PLB1: variants seen among roughly 807,000 people sequenced by gnomAD.
The protein encoded by PLB1 is phospholipase B1.
In PLB1, 242 loss-of-function variants were observed where a neutral mutation model predicts 227.4. That is an observed-to-expected ratio of 1.06 (90% confidence interval 0.96 to 1.18). The LOEUF (loss-of-function observed/expected upper bound fraction) is 1.18, where lower values mean the gene tolerates loss of function less well. PLB1 is among the 50% of genes most tolerant of loss of function. The pLI, the probability that PLB1 is intolerant of heterozygous loss-of-function variation, is 0.00. For missense variants in PLB1, 1,858 were observed against 1,816.3 expected, an observed-to-expected ratio of 1.02 and a Z score of -0.42; for synonymous variants, 757 against 682.2, an observed-to-expected ratio of 1.11 and a Z score of -1.71.
intron 25 of PLB1, among the ~76,000 whole-genome samples, chr2:28,584,785 C>G (rs1680629922): frequency 6.6e-6 from 1 of 152,162 alleles, no homozygotes; most frequent in Non-Finnish European, 1.5e-5. Flanking sequence ...GACCAAAAGC[C>G]CAGATGTGCC....
At chr2:28,535,777 T>C (rs1303497666) in intron 9 of PLB1, among the ~76,000 whole-genome samples, 2 of 152,030 alleles carry the variant, frequency 1.3e-5, no homozygotes, top group African/African-American at 4.8e-5. Flanking sequence ...AAAAATTAGC[T>C]GGGTGTGGTG....
chr2:28,565,331 C>T lies in PLB1; in HGVS notation c.1258C>T (p.Gln420Ter). 6.2e-7 allele frequency: 1 copy of T among 1,610,810 alleles called. No homozygotes were observed. Among genetic ancestry groups the T allele is most frequent in the East Asian group, 2.2e-5 (1 of 44,850 alleles). ...TGGGAACGTCTTGGACGTCTTGACT[C>T]AGTACCGAGGCCTGTCCTGGAGGTG... ...TPGNVLDVLT[Q>*]YRGLSWSVGG... is the part of the protein sequence containing the mutation. The change falls in exon 19 of 58, where the codon CAG becomes TAG. Residue 420 changes from glutamine (Q) to a stop codon, truncating the protein, a stop_gained. Coordinates refer to ENST00000327757, the MANE Select transcript of PLB1 (RefSeq NM_153021.5). LOFTEE classifies it high-confidence loss of function.
chr2:28,618,261 A>G, intron 45 of PLB1, 80 bp from the exon 46 acceptor site: 7 of 1,300,368 alleles, frequency 5.4e-6, no homozygotes, highest in Non-Finnish European at 7.8e-6. Flanking sequence ...GGACAGAGTT[A>G]TAGACTTCTG....
At chr2:28,610,295 T>C (rs569987548) in intron 43 of PLB1, among the ~76,000 whole-genome samples, 100 of 151,474 alleles carry the variant, frequency 6.6e-4, no homozygotes, top group African/African-American at 2.3e-3. Flanking sequence ...CTGAAATCAG[T>C]GTAGGTAAAG....
At chr2:28,566,737 G>A (rs1201071152) in intron 19 of PLB1, 59 bp from the exon 20 acceptor site, 16 of 1,588,254 alleles carry the variant, frequency 1.0e-5, no homozygotes, top group African/African-American at 1.3e-5. Flanking sequence ...AGTGTCTGAA[G>A]GGTCTCGGCG....
At chr2:28,581,888 G>A (rs758621569) in intron 23 of PLB1, among the ~76,000 whole-genome samples, 180 bp from the exon 24 acceptor site, 1 of 151,994 alleles carries the variant, frequency 6.6e-6, no homozygotes, top group East Asian at 1.9e-4. Flanking sequence ...TTGAGCCCAG[G>A]AGGTGAAGGT....
At chr2:28,538,981 A>G (rs1373497963) in intron 10 of PLB1, 118 bp from the exon 11 acceptor site, 12 of 781,712 alleles carry the variant, frequency 1.5e-5, no homozygotes, top group Admixed American at 1.4e-4. Flanking sequence ...CCAGTTAACC[A>G]AGGGGAGGCC....
At chr2:28,609,563 A>G (rs1201885302) in intron 43 of PLB1, among the ~76,000 whole-genome samples, 2 of 152,126 alleles carry the variant, frequency 1.3e-5, no homozygotes, top group Non-Finnish European at 2.9e-5. Flanking sequence ...TCTGTATTGA[A>G]TTACATATAA....
rs753016827 is a variant in PLB1 at position 28,630,608 on chromosome 2, C to T, written c.3841C>T (p.His1281Tyr). Residue 1281 changes from histidine (H) to tyrosine (Y), a missense_variant, in exon 54 of 58, where the codon CAC (histidine) becomes TAC (tyrosine). Physicochemically the swap from His to Tyr is moderately conservative, Grantham distance 83. Transcript: ENST00000327757. ...CAGGAACAACTGCACTTGCCTCAGA[C>T]ACTCGCAAAGCTCCCTGGAGAAGCA... ...AAQNNCTCLR[H>Y]SQSSLEKQEL... The T allele has an allele frequency of 7.4e-6, 12 of 1,613,782 alleles. No homozygotes were observed. The Admixed American group carries it at 1.3e-4, about 18-fold the overall frequency.
intron 56 of PLB1, among the ~76,000 whole-genome samples, 171 bp from the exon 57 acceptor site, chr2:28,640,756 G>T (rs139909075): frequency 5.3e-5 from 8 of 152,122 alleles, no homozygotes; most frequent in Non-Finnish European, 1.2e-4. Flanking sequence ...GTCAACTCCC[G>T]CTCAGCCCCA....
chr2:28,601,803 T>C (rs1683947437), intron 37 of PLB1, 96 bp from the exon 38 acceptor site: 4 of 1,052,120 alleles, frequency 3.8e-6, no homozygotes, highest in Non-Finnish European at 5.9e-6. Flanking sequence ...GGGGAACAAG[T>C]CCTCAGGGCT....
At position 28,550,073 on chromosome 2, in the gene PLB1, G is replaced by T. The variant is rs1487508108; in HGVS notation, c.1072G>T (p.Asp358Tyr). 4 of 1,611,866 alleles carry T rather than the reference G, an allele frequency of 2.5e-6. No individual in the cohort carries two copies. The South Asian group carries it at 3.3e-5, about 13-fold the overall frequency. The change falls in exon 16 of 58, where the codon GAC becomes TAC. Residue 358 changes from aspartate (D) to tyrosine (Y), a missense_variant. Transcript: ENST00000327757. ...CCTGACCAGACTGCAGAAACCCCAAGACAAGCTTGAGGTAAGGAAAGGTTT... is the reference window on the plus strand; with the variant it reads ...CCTGACCAGACTGCAGAAACCCCAATACAAGCTTGAGGTAAGGAAAGGTTT... ...NYLTRLQKPQ[D>Y]KLEVREGAEI...
At chr2:28,509,076 A>G (rs1667947049) in intron 1 of PLB1, among the ~76,000 whole-genome samples, 1 of 152,342 alleles carries the variant, frequency 6.6e-6, no homozygotes, top group East Asian at 1.9e-4. Context: ...TGCATTTTAT[A>G]GATGAGGAAG....
At chr2:28,577,935 C>CGCAGTGG (rs1284912039) in intron 21 of PLB1, among the ~76,000 whole-genome samples, 172 bp from the exon 22 acceptor site, 1 of 152,232 alleles carries the variant, frequency 6.6e-6, no homozygotes, top group African/African-American at 2.4e-5. Flanking sequence ...CCCACACCCC[C>CGCAGTGG]GCAGTGGAGC....
At position 28,632,094 on chromosome 2, in the gene PLB1, T is replaced by G; in HGVS notation, c.3956T>G (p.Val1319Gly). ...TACACACAGCGTGAGGACTTTGCGG[T>G]TGTGGTGCAGCCTTTCTTCCAAAAC... ...HQYTQREDFA[V>G]VVQPFFQNTL... Residue 1319 changes from valine (V) to glycine (G), a missense_variant, in exon 55 of 58, where the codon GTT becomes GGT. By Grantham distance (109) the Val-to-Gly change is moderately radical. Transcript: ENST00000327757. 1 of 1,614,140 alleles carries G rather than the reference T, an allele frequency of 6.2e-7. No individual in the cohort carries two copies. Among genetic ancestry groups the G allele is most frequent in the Non-Finnish European group, 8.5e-7 (1 of 1,180,004 alleles).
intron 20 of PLB1, among the ~76,000 whole-genome samples, chr2:28,570,976 A>G (rs949107313): frequency 6.6e-6 from 1 of 152,120 alleles, no homozygotes; most frequent in Admixed American, 6.6e-5. Context: ...TCAACATCAC[A>G]CTGCCCATGG....
Position 28,589,501 on chromosome 2 carries a change from T to C in PLB1, c.1867T>C (p.Phe623Leu), listed in dbSNP as rs202190246. 2.1e-5 allele frequency: 34 copies of C among 1,614,122 alleles called. No homozygotes were observed. In the African/African-American group the frequency reaches 2.9e-4, roughly 14 times the overall value. The part of the protein sequence containing the change: ...ESGRYDTRED[F>L]TVVVQPFFEN... ...TGGGCGATATGACACAAGGGAAGATTTTACTGTGGTTGTGCAGCCGTTCTT... is the reference window on the plus strand; with the variant it reads ...TGGGCGATATGACACAAGGGAAGATCTTACTGTGGTTGTGCAGCCGTTCTT... The change falls in exon 27 of 58, where the codon TTT becomes CTT. Residue 623 changes from phenylalanine (F) to leucine (L), a missense_variant. Coordinates refer to ENST00000327757, the MANE Select transcript of PLB1 (RefSeq NM_153021.5).
chr2:28,605,721 C>A, intron 41 of PLB1, 132 bp from the exon 42 acceptor site: 1 of 690,032 alleles, frequency 1.4e-6, no homozygotes, highest in South Asian at 1.8e-5. Flanking sequence ...TGAATGGGCC[C>A]TGTGGTGGCT....
At position 28,601,297 on chromosome 2, in the gene PLB1, G is replaced by C. The variant is rs746817439; in HGVS notation, c.2572G>C (p.Gly858Arg). 8.1e-6 allele frequency: 13 copies of C among 1,613,954 alleles called. No homozygotes were observed. The highest frequency in any genetic ancestry group is 6.7e-5 in the Admixed American group (4 of 60,002). The change falls in exon 37 of 58, where the codon GGA becomes CGA. Residue 858 changes from glycine to arginine, a missense_variant. By Grantham distance (125) the Gly-to-Arg change is moderately radical. Coordinates refer to ENST00000327757, the MANE Select transcript of PLB1 (RefSeq NM_153021.5). ...EDWKVITVLI[G>R]GSDLCDYCTD... The stretch of plus-strand genomic sequence containing the variant: ...CTGGAAGGTCATCACAGTGCTGATC[G>C]GAGGCAGCGATTTATGTGACTACTG...
Sources: gnomAD v4.1 joint callset for allele counts (sites outside exome capture counted in the v4.1 genomes callset) on GRCh38, gnomAD v4.1.1 for gene constraint, MANE v1.5 for transcripts, NCBI Gene and HGNC (gene_info 2026-07-23, HGNC 2026-07-21) for gene names.